Variants in CACNA2D3 observed in about 807,000 individuals in gnomAD.
CACNA2D3 encodes the protein voltage-dependent calcium channel subunit alpha-2/delta-3.
In CACNA2D3, 60 loss-of-function variants were observed where a neutral mutation model predicts 160.6. That is an observed-to-expected ratio of 0.37 (90% CI 0.30 to 0.46). The LOEUF (loss-of-function observed/expected upper bound fraction) is 0.46. Among genes scored for constraint, CACNA2D3 ranks in the 20% least tolerant of loss-of-function variants. The pLI is 1.00. For synonymous variants in CACNA2D3, 558 were observed against 492.9 expected (o/e 1.13, Z -1.75); for missense variants, 1,205 against 1,365.0 (o/e 0.88, Z 1.85).
chr3:54,592,611 G>T (rs1378572637), intron 9 of CACNA2D3, among the ~76,000 whole-genome samples: 3 of 152,062 alleles, frequency 2.0e-5, no homozygotes, highest in African/African-American at 7.2e-5. Flanking sequence ...CTGTCTTGGG[G>T]GAGTGTAGGG....
chr3:54,837,374 C>A, intron 15 of CACNA2D3, 144 bp downstream of exon 15: 1 of 723,512 alleles, frequency 1.4e-6, no homozygotes, highest in African/African-American at 1.8e-5. Flanking sequence ...CTGTTAGAAT[C>A]ACCAAATCAA....
At chr3:54,626,719 A>T in intron 9 of CACNA2D3, 2 of 734,692 alleles carry the variant, frequency 2.7e-6, no homozygotes, top group Non-Finnish European at 4.5e-6. Context: ...AGAAAGAAAA[A>T]GAAAGGGGTT....
intron 31 of CACNA2D3, among the ~76,000 whole-genome samples, chr3:54,990,074 C>G (rs1702706204): frequency 1.3e-5 from 2 of 152,136 alleles, no homozygotes; most frequent in Non-Finnish European, 2.9e-5. Context: ...TTGAGCCCAC[C>G]CTCAAACATG....
In CACNA2D3 at chr3:54,580,044, G is replaced by C. The variant is rs572669119; in HGVS notation, c.889-1759G>C. Among the ~76,000 whole-genome samples, 14 of 152,252 alleles carry C rather than the reference G, an allele frequency of 9.2e-5. No individual in the cohort carries two copies. The South Asian group carries it at 2.9e-3, about 32-fold the overall frequency. On this transcript the variant is annotated intron_variant, in intron 8 of 37. Transcript: ENST00000474759. ...TGGGGGCATTGAGGACCTGTTGTGA[G>C]TGGCAGTGAGGTCAGACTGCCTGAA...
chr3:54,937,320 GA>G (rs1261481880), intron 27 of CACNA2D3, among the ~76,000 whole-genome samples: 6 of 152,210 alleles, frequency 3.9e-5, no homozygotes, highest in African/African-American at 1.4e-4. Flanking sequence ...CTACAGTGTA[GA>G]AAGGGGACAG....
Position 54,946,570 on chromosome 3 carries a change from C to T in CACNA2D3, c.2450-21880C>T, listed in dbSNP as rs775496184. Among the ~76,000 whole-genome samples the T allele has an allele frequency of 5.3e-5, 8 of 152,192 alleles. No individual in the cohort carries two copies. In the South Asian group the frequency reaches 6.2e-4, roughly 12 times the overall value. Reference sequence around the variant, plus strand: ...CCTTCCAGTGGAAAGTTTGACTTAACGAAGAAGAGCAGGTTACTTTCACCA... The same window carrying T: ...CCTTCCAGTGGAAAGTTTGACTTAATGAAGAAGAGCAGGTTACTTTCACCA... On this transcript the variant is annotated intron_variant, in intron 27 of 37. Transcript: ENST00000474759.
At chr3:54,261,045 A>G (rs1451208289) in intron 2 of CACNA2D3, among the ~76,000 whole-genome samples, 3 of 152,182 alleles carry the variant, frequency 2.0e-5, no homozygotes, top group Non-Finnish European at 4.4e-5. Context: ...ATTCCCTGCT[A>G]TATCTTTGAC....
At chr3:54,293,406 A>G (rs1262798419) in intron 2 of CACNA2D3, among the ~76,000 whole-genome samples, 1 of 151,970 alleles carries the variant, frequency 6.6e-6, no homozygotes, top group Non-Finnish European at 1.5e-5. Context: ...TTATGCCTTT[A>G]TGTCCTCATA....
intron 27 of CACNA2D3, among the ~76,000 whole-genome samples, chr3:54,905,122 A>G (rs1700425228): frequency 1.3e-5 from 2 of 152,196 alleles, no homozygotes; most frequent in South Asian, 4.1e-4. Flanking sequence ...GGATTTATAT[A>G]TCTTTTTAAA....
At chr3:54,326,750 A>G (rs1704128955) in intron 3 of CACNA2D3, among the ~76,000 whole-genome samples, 1 of 152,196 alleles carries the variant, frequency 6.6e-6, no homozygotes, top group South Asian at 2.1e-4. Context: ...GGAGGTATAT[A>G]TGGCTGTATA....
chr3:54,761,312 A>G (rs1372089984), intron 12 of CACNA2D3, among the ~76,000 whole-genome samples: 1 of 152,154 alleles, frequency 6.6e-6, no homozygotes, highest in Non-Finnish European at 1.5e-5. Flanking sequence ...TAAGGTCTGG[A>G]GCTATTGAGT....
chr3:54,431,163 C>T (rs1699984230), intron 4 of CACNA2D3, among the ~76,000 whole-genome samples: 1 of 151,544 alleles, frequency 6.6e-6, no homozygotes, highest in Non-Finnish European at 1.5e-5. Flanking sequence ...ATGGTGAAAC[C>T]CCGTCTCTAC....
intron 8 of CACNA2D3, among the ~76,000 whole-genome samples, chr3:54,573,170 C>T (rs1402595127): frequency 3.9e-5 from 6 of 152,134 alleles, no homozygotes; most frequent in Admixed American, 1.3e-4. Flanking sequence ...ACACTATTTA[C>T]ATAATTATTT....
chr3:54,846,451 CG>C lies in CACNA2D3; in HGVS notation c.1612del (p.Glu538AsnfsTer34). 1 of 1,598,818 alleles carries C rather than the reference CG, an allele frequency of 6.3e-7. No individual in the cohort carries two copies. The highest frequency in any genetic ancestry group is 8.5e-7 in the Non-Finnish European group (1 of 1,170,768). ...ITNNGYILTH[P>X]ELRLLYEEGK... ...AATAATGGATATATCCTGACGCATC[CG>C]GAACTCAGGCTGCTGGTAAGAGAAA... On this transcript the variant is annotated frameshift_variant, in exon 17 of 38. Coordinates refer to ENST00000474759, the MANE Select transcript of CACNA2D3 (RefSeq NM_018398.3). LOFTEE classifies it high-confidence loss of function.
intron 3 of CACNA2D3, among the ~76,000 whole-genome samples, chr3:54,321,922 C>CAAAA (rs1214395409): frequency 1.1e-4 from 11 of 100,646 alleles, no homozygotes; most frequent in East Asian, 5.7e-4. Context: ...GAAATCCTTG[C>CAAAA]AAAAAAAAAA....
chr3:54,356,763 A>G (rs1053485193), intron 3 of CACNA2D3, among the ~76,000 whole-genome samples: 2 of 152,208 alleles, frequency 1.3e-5, no homozygotes, highest in African/African-American at 4.8e-5. Context: ...AGTCTGTTAC[A>G]GTGGTATTAA....
chr3:54,208,225 C>T (rs980905340), intron 2 of CACNA2D3, among the ~76,000 whole-genome samples: 1 of 152,128 alleles, frequency 6.6e-6, no homozygotes, highest in Non-Finnish European at 1.5e-5. Context: ...CCTGCCTTAA[C>T]CTCCTGAGTA....
chr3:54,729,533 G>T (rs994817679), intron 11 of CACNA2D3, among the ~76,000 whole-genome samples: 2 of 152,188 alleles, frequency 1.3e-5, no homozygotes, highest in African/African-American at 4.8e-5. Flanking sequence ...CAGTCATTGG[G>T]TGGTGGCAGA....
rs754529060 is a variant in CACNA2D3, at chr3:54,642,237, G to A, written c.1163G>A (p.Arg388Gln). The A allele has an allele frequency of 8.1e-6, 13 of 1,601,182 alleles. No individual in the cohort carries two copies. The highest frequency in any genetic ancestry group is 1.6e-4 in the Middle Eastern group (1 of 6,062). The change falls in exon 11 of 38, where the codon CGA becomes CAA. Residue 388 changes from arginine (R) to glutamine (Q), a missense_variant. Physicochemically the swap from Arg to Gln is conservative, Grantham distance 43. Coordinates refer to ENST00000474759, the MANE Select transcript of CACNA2D3 (RefSeq NM_018398.3). ...TIFAKYNWPD[R>Q]KVRIFTYLIG... ...TTTGCAAAATACAATTGGCCAGATCGAAAGGTAAGTTGATGCTGATCCCGT... is the reference window on the plus strand; with the variant it reads ...TTTGCAAAATACAATTGGCCAGATCAAAAGGTAAGTTGATGCTGATCCCGT...
Sources: gnomAD v4.1 joint callset for allele counts (sites outside exome capture counted in the v4.1 genomes callset) on GRCh38, gnomAD v4.1.1 for gene constraint, MANE v1.5 for transcripts, NCBI Gene and HGNC (gene_info 2026-07-23, HGNC 2026-07-21) for gene names.